GPHN: variants seen among roughly 807,000 people sequenced by gnomAD.
The protein encoded by GPHN is gephyrin.
Under a neutral mutation model 95.5 loss-of-function variants are expected in GPHN, and 17 were observed. That is an observed-to-expected ratio of 0.18 (90% CI 0.12 to 0.27). The LOEUF (loss-of-function observed/expected upper bound fraction) is 0.27, where lower values mean the gene tolerates loss of function less well. GPHN is among the 10% of genes least tolerant of loss of function. The pLI is 1.00. For synonymous variants in GPHN, 320 were observed against 322.5 expected (o/e 0.99, Z 0.08); for missense variants, 660 against 978.1 (o/e 0.67, Z 4.34).
chr14:67,328,059 C>T, the GPHN span, among the ~76,000 whole-genome samples: 1 of 152,206 alleles, frequency 6.6e-6, no homozygotes, highest in Admixed American at 6.5e-5. Context: ...AATCACCACA[C>T]TGTCTTCCAC....
intron 2 of GPHN, among the ~76,000 whole-genome samples, chr14:66,753,314 G>A (rs2058439774): frequency 6.6e-6 from 1 of 152,036 alleles, no homozygotes; most frequent in East Asian, 1.9e-4. Flanking sequence ...ACATGGGGGA[G>A]AGCTACTCCC....
intron 21 of GPHN, among the ~76,000 whole-genome samples, chr14:67,178,194 A>T (rs777472382): frequency 1.3e-5 from 2 of 152,154 alleles, no homozygotes; most frequent in Non-Finnish European, 2.9e-5. Flanking sequence ...TTGCAGTGGC[A>T]GGTACCAATT....
chr14:66,820,862 TGACATATTAGGA>T (rs1466111239), intron 3 of GPHN, among the ~76,000 whole-genome samples: 2 of 152,284 alleles, frequency 1.3e-5, no homozygotes, highest in East Asian at 3.9e-4. Flanking sequence ...GTTGATTTTA[TGACATATTAGGA>T]GGGGGATTTT....
the GPHN span, among the ~76,000 whole-genome samples, chr14:67,531,317 G>T: frequency 1.6e-3 from 239 of 152,168 alleles, 1 homozygote; most frequent in African/African-American, 5.7e-3. Context: ...GTTGTAACTT[G>T]CCCAAGTCAC....
At chr14:67,563,625 G>T in the GPHN span, among the ~76,000 whole-genome samples, 1 of 151,312 alleles carries the variant, frequency 6.6e-6, no homozygotes, top group Non-Finnish European at 1.5e-5. Flanking sequence ...TAGAGGCAGG[G>T]TTTCACCATG....
the GPHN span, among the ~76,000 whole-genome samples, chr14:67,269,093 C>G: frequency 6.6e-6 from 1 of 152,168 alleles, no homozygotes; most frequent in Non-Finnish European, 1.5e-5. Flanking sequence ...TTTGCCTCTT[C>G]TGGATATTTC....
chr14:66,991,222 G>A (rs1053184886), intron 9 of GPHN, among the ~76,000 whole-genome samples: 2 of 151,888 alleles, frequency 1.3e-5, no homozygotes, highest in East Asian at 1.9e-4. Flanking sequence ...CTTTAAGTGC[G>A]TTTTTAGTAA....
chr14:67,340,410 G>GCT, the GPHN span: 1 of 1,588,836 alleles, frequency 6.3e-7, no homozygotes, highest in Non-Finnish European at 8.6e-7. Context: ...GAAAACAAAA[G>GCT]ATGATCAATA....
the GPHN span, chr14:67,577,339 C>T: frequency 6.3e-7 from 1 of 1,583,024 alleles, no homozygotes; most frequent in Non-Finnish European, 8.6e-7. Context: ...TGTGCTACAG[C>T]AAAGACGGCC....
At chr14:66,821,676 T>C (rs1381396583) in intron 3 of GPHN, among the ~76,000 whole-genome samples, 2 of 152,226 alleles carry the variant, frequency 1.3e-5, no homozygotes, top group Non-Finnish European at 2.9e-5. Flanking sequence ...AAGAATTCTT[T>C]TGTTTTGAAA....
At chr14:67,193,958 A>AAAAAAAACAAAAAAG in the GPHN span, among the ~76,000 whole-genome samples, 1 of 149,716 alleles carries the variant, frequency 6.7e-6, no homozygotes, top group African/African-American at 2.5e-5. Flanking sequence ...AAAAAACAAA[A>AAAAAAAACAAAAAAG]AAAAAACGAA....
chr14:67,604,933 T>C, the GPHN span, among the ~76,000 whole-genome samples: 1 of 152,182 alleles, frequency 6.6e-6, no homozygotes, highest in African/African-American at 2.4e-5. Flanking sequence ...TCTCGGTCTA[T>C]TTCCACACTC....
intron 8 of GPHN, among the ~76,000 whole-genome samples, chr14:66,944,420 A>C (rs553559716): frequency 4.6e-5 from 7 of 152,356 alleles, no homozygotes; most frequent in African/African-American, 1.7e-4. Context: ...AACAAGATGG[A>C]GGCCTGCAGC....
chr14:66,912,948 C>T (rs558890693), intron 5 of GPHN, among the ~76,000 whole-genome samples: 1 of 152,274 alleles, frequency 6.6e-6, no homozygotes, highest in African/African-American at 2.4e-5. Flanking sequence ...CAGTTTATCA[C>T]AGCAGTTCTC....
At chr14:66,512,923 T>C (rs2058093638) in intron 1 of GPHN, among the ~76,000 whole-genome samples, 1 of 151,780 alleles carries the variant, frequency 6.6e-6, no homozygotes, top group African/African-American at 2.4e-5. Flanking sequence ...TAGATGTCAT[T>C]AAGTAGGCAA....
At chr14:66,510,761 T>A (rs2058011489) in intron 1 of GPHN, among the ~76,000 whole-genome samples, 2 of 152,278 alleles carry the variant, frequency 1.3e-5, no homozygotes, top group Admixed American at 6.5e-5. Flanking sequence ...ATGAGGCTTC[T>A]GAGCTAAATA....
the GPHN span, chr14:67,562,810 C>G: frequency 1.2e-5 from 19 of 1,613,738 alleles, 1 homozygote; most frequent in South Asian, 2.0e-4. Context: ...AAAGAGAGAG[C>G]CCAAAGGCCC....
At chr14:67,160,183 G>T (rs574614272) in intron 19 of GPHN, among the ~76,000 whole-genome samples, 2 of 152,102 alleles carry the variant, frequency 1.3e-5, no homozygotes, top group Non-Finnish European at 2.9e-5. Context: ...CACCCTTTTT[G>T]TTGTTGTTGT....
the GPHN span, among the ~76,000 whole-genome samples, chr14:67,511,355 A>AAAAAAAC: frequency 4.3e-5 from 1 of 23,124 alleles, no homozygotes; most frequent in African/African-American, 7.2e-5. Flanking sequence ...TTAAAAAAAC[A>AAAAAAAC]AAAAAACAAA....
Sources: allele counts gnomAD v4.1 joint callset (sites outside exome capture counted in the v4.1 genomes callset), GRCh38; gene constraint gnomAD v4.1.1; transcripts MANE v1.5; gene names NCBI Gene and HGNC (gene_info 2026-07-23, HGNC 2026-07-21).